Variants in ACOT4 observed in about 807,000 individuals in gnomAD.
ACOT4 encodes acyl-CoA thioesterase 4.
A neutral mutation model predicts 17.1 loss-of-function variants in ACOT4; 18 were observed. That is an observed-to-expected ratio of 1.05 (90% confidence interval 0.73 to 1.56). The LOEUF (loss-of-function observed/expected upper bound fraction) is 1.56, where lower values mean the gene tolerates loss of function less well. ACOT4 is among the 40% of genes most tolerant of loss of function. The probability of loss-of-function intolerance (pLI) is 0.00; values close to 1 mark genes in which losing one functional copy is unlikely to be tolerated. For missense variants in ACOT4, 574 were observed against 557.2 expected, an observed-to-expected ratio of 1.03 and a Z score of -0.30; for synonymous variants, 234 against 236.6, an observed-to-expected ratio of 0.99 and a Z score of 0.10.
chr14:73,595,128 A>G lies in ACOT4; in HGVS notation c.740A>G (p.Asn247Ser), dbSNP rs1354585834. 1.9e-6 allele frequency: 3 copies of G among 1,614,218 alleles called. No individual in the cohort carries two copies. The highest frequency in any genetic ancestry group is 1.7e-6 in the Non-Finnish European group (2 of 1,180,040). The change falls in exon 3 of 3, where the codon AAT becomes AGT. Residue 247 changes from asparagine to serine, a missense_variant. Physicochemically the swap from Asn to Ser is conservative, Grantham distance 46. Transcript: ENST00000326303. ...ICLSMASFLK[N>S]VSATVSINGS... The stretch of plus-strand genomic sequence containing the variant: ...CTCTCAATGGCCTCATTCTTGAAGA[A>G]TGTCTCAGCCACAGTTTCCATCAAT...
At position 73,592,309 on chromosome 14, in the gene ACOT4, G is replaced by C. The variant is rs199992405; in HGVS notation, c.350G>C (p.Gly117Ala). The C allele has an allele frequency of 2.7e-5, 44 of 1,611,086 alleles. No individual in the cohort carries two copies. Among genetic ancestry groups the C allele is most frequent in the Admixed American group, 8.4e-5 (5 of 59,718 alleles). ...CTGGACGGCCACGACCCCGAGCCTG[G>C]ACGGCTGCTGTGCCAGGCGCAGCAC... ...EVLDGHDPEP[G>A]RLLCQAQHER... Residue 117 changes from glycine (G) to alanine (A), a missense_variant, in exon 1 of 3, where the codon GGA becomes GCA. Coordinates refer to ENST00000326303, the MANE Select transcript of ACOT4 (RefSeq NM_152331.4).
chr14:73,594,112 T>G (rs1464123820), intron 2 of ACOT4, among the ~76,000 whole-genome samples: 2 of 152,236 alleles, frequency 1.3e-5, no homozygotes, highest in East Asian at 3.8e-4. Context: ...GAGATTTTAT[T>G]TAGTAATATT....
Position 73,592,182 on chromosome 14 carries a change from C to G in ACOT4, c.223C>G (p.Leu75Val), listed in dbSNP as rs1219527372. The G allele has an allele frequency of 6.2e-7, 1 of 1,607,694 alleles. No individual in the cohort carries two copies. The highest frequency in any genetic ancestry group is 8.5e-7 in the Non-Finnish European group (1 of 1,177,550). The change falls in exon 1 of 3, where the codon CTC becomes GTC. Residue 75 changes from leucine (L) to valine (V), a missense_variant. Coordinates refer to ENST00000326303, the MANE Select transcript of ACOT4 (RefSeq NM_152331.4). ...CGCGCTGGGCGGCAGCTTCGCGGGA[C>G]TCGAGCCCATGGGGCTGCTCTGGGC... is the stretch of plus-strand genomic sequence containing the variant. Reference protein sequence around the residue: ...APALGGSFAGLEPMGLLWALE... With the variant: ...APALGGSFAGVEPMGLLWALE...
At position 73,595,763 on chromosome 14, in the gene ACOT4, T is replaced by G. The variant is rs1393379155; in HGVS notation, c.*109T>G. On this transcript the variant is annotated 3_prime_UTR_variant, in exon 3 of 3. Coordinates refer to ENST00000326303, the MANE Select transcript of ACOT4 (RefSeq NM_152331.4). Reference sequence around the variant, plus strand: ...TAACATTAAAGCCATGTCTTTGTCATTAATGGTGTATTTTACGTAACTTTG... The same window carrying G: ...TAACATTAAAGCCATGTCTTTGTCAGTAATGGTGTATTTTACGTAACTTTG... The G allele has an allele frequency of 7.7e-7, 1 of 1,302,640 alleles. No homozygotes were observed. The highest frequency in any genetic ancestry group is 1.0e-6 in the Non-Finnish European group (1 of 982,124). The allele number at this position is 1,302,640 out of a possible 1,614,324, so 80.7% of individuals were successfully genotyped here.
rs538858496 is a variant in ACOT4 at position 73,592,031 on chromosome 14, C to T, written c.72C>T (p.Arg24=). 65 of 1,447,848 alleles carry T rather than the reference C, an allele frequency of 4.5e-5. No homozygotes were observed. Among genetic ancestry groups the T allele is most frequent in the Non-Finnish European group, 5.7e-5 (63 of 1,102,210 alleles). The allele number at this position is 1,447,848 out of a possible 1,614,324, so 89.7% of individuals were successfully genotyped here. ...ACGAGCCGGTGCGCATTGCCGTGCG[C>T]GGCCTGGCCCCGGAGCAGCGGGTTA... ...CWNEPVRIAV[R]GLAPEQRVTL... Residue 24 remains arginine (R), a synonymous_variant, in exon 1 of 3, where the codon CGC becomes CGT. Transcript: ENST00000326303.
At chr14:73,594,762 G>A (rs1246671259) in intron 2 of ACOT4, among the ~76,000 whole-genome samples, 6 of 151,976 alleles carry the variant, frequency 3.9e-5, no homozygotes, top group African/African-American at 1.2e-4. Context: ...GCGCAGTGGC[G>A]CAATCTCGGC....
chr14:73,591,898 C>T lies in ACOT4; in HGVS notation c.-62C>T, dbSNP rs1322256650. ...GGACGCCGTCCGGACATTCGGCGCG[C>T]TTGCCACGATCTTGGACGGGTCTCG... On this transcript the variant is annotated 5_prime_UTR_variant, in exon 1 of 3. Transcript: ENST00000326303. 8 of 1,320,160 alleles carry T rather than the reference C, an allele frequency of 6.1e-6. No individual in the cohort carries two copies. In the East Asian group the frequency reaches 1.9e-4, roughly 31 times the overall value. 81.8% of individuals were successfully genotyped at this position (1,320,160 alleles called of 1,614,324 possible). A position where few individuals can be genotyped will look rare whatever the true frequency, so the allele number is the denominator to read the frequency against.
rs74334993 is a variant in ACOT4 at position 73,592,991 on chromosome 14, C to T, written c.457+575C>T. Among the ~76,000 whole-genome samples, 749 of 152,326 alleles carry T rather than the reference C, an allele frequency of 4.9e-3. 7 individuals carry two copies. The highest frequency in any genetic ancestry group is 0.017 in the African/African-American group (722 of 41,564). ...TGCAGATGAAAAAACAGGTTCAGGT[C>T]GTCAGGTACATTATCCACTTTGCTA... On this transcript the variant is annotated intron_variant, in intron 1 of 2. Coordinates refer to ENST00000326303, the MANE Select transcript of ACOT4 (RefSeq NM_152331.4).
In ACOT4 at chr14:73,591,993, C is replaced by T; in HGVS notation, c.34C>T (p.Arg12Cys). ...AACGCTGATCCTGGAGCCCCCAGGC[C>T]GCTGCTGCTGGAACGAGCCGGTGCG... is the stretch of plus-strand genomic sequence containing the variant. ...SATLILEPPG[R>C]CCWNEPVRIA... Residue 12 changes from arginine (R) to cysteine (C), a missense_variant, in exon 1 of 3, where the codon CGC (arginine) becomes TGC (cysteine). Transcript: ENST00000326303. 1.4e-6 allele frequency: 2 copies of T among 1,418,880 alleles called. No individual in the cohort carries two copies. Among genetic ancestry groups the T allele is most frequent in the Non-Finnish European group, 1.8e-6 (2 of 1,088,630 alleles). The allele number at this position is 1,418,880 out of a possible 1,614,324, so 87.9% of individuals were successfully genotyped here. A position where few individuals can be genotyped will look rare whatever the true frequency, so the allele number is the denominator to read the frequency against.
rs1223758460 is a variant in ACOT4, at chr14:73,595,474, C to T, written c.1086C>T (p.Ile362=). 11 of 1,613,978 alleles carry T rather than the reference C, an allele frequency of 6.8e-6. No homozygotes were observed. The highest frequency in any genetic ancestry group is 4.4e-5 in the South Asian group (4 of 91,080). Residue 362 remains isoleucine, a synonymous_variant, in exon 3 of 3, where the codon ATC becomes ATT. Coordinates refer to ENST00000326303, the MANE Select transcript of ACOT4 (RefSeq NM_152331.4). ...GTTACCCTGGGACTGGGCATTACAT[C>T]GAGCCTCCTTACTTCCCCCTGTGCC... The part of the protein sequence containing the change: ...IICYPGTGHY[I]EPPYFPLCPA...
Position 73,595,346 on chromosome 14 carries a change from C to T in ACOT4, c.958C>T (p.Leu320Phe). ...AGAGAAGGCCCAGGGGCCCATCCTG[C>T]TCATTGTTGGTCAGGATGACCATAA... ...PIEKAQGPILLIVGQDDHNWR... is the reference protein window; with the variant it reads ...PIEKAQGPILFIVGQDDHNWR... The change falls in exon 3 of 3, where the codon CTC (leucine) becomes TTC (phenylalanine). Residue 320 changes from leucine to phenylalanine, a missense_variant. Leu to Phe is a conservative substitution (Grantham distance 22, BLOSUM62 0). Coordinates refer to ENST00000326303, the MANE Select transcript of ACOT4 (RefSeq NM_152331.4). 6.2e-7 allele frequency: 1 copy of T among 1,614,234 alleles called. No homozygotes were observed. Among genetic ancestry groups the T allele is most frequent in the Non-Finnish European group, 8.5e-7 (1 of 1,180,038 alleles).
chr14:73,593,877 C>A lies in ACOT4; in HGVS notation c.633C>A (p.Ala211=). 6.2e-7 allele frequency: 1 copy of A among 1,613,550 alleles called. No individual in the cohort carries two copies. The highest frequency in any genetic ancestry group is 8.5e-7 in the Non-Finnish European group (1 of 1,179,646). ...TATCCCTGGAGTACTTCGAAGAAGCCGTATGCTACATGCTTCAACATCCCC... is the reference window on the plus strand; with the variant it reads ...TATCCCTGGAGTACTTCGAAGAAGCAGTATGCTACATGCTTCAACATCCCC... The part of the protein sequence containing the change: ...DNISLEYFEE[A]VCYMLQHPQV... Residue 211 remains alanine, a synonymous_variant, in exon 2 of 3, where the codon GCC becomes GCA. Coordinates refer to ENST00000326303, the MANE Select transcript of ACOT4 (RefSeq NM_152331.4).
Position 73,592,101 on chromosome 14 carries a change from G to A in ACOT4, c.142G>A (p.Ala48Thr), listed in dbSNP as rs768474591. The A allele has an allele frequency of 8.6e-6, 13 of 1,503,340 alleles. No homozygotes were observed. The Admixed American group carries it at 1.8e-4, about 21-fold the overall frequency. 93.1% of individuals were successfully genotyped at this position (1,503,340 alleles called of 1,614,324 possible). Residue 48 changes from alanine (A) to threonine (T), a missense_variant, in exon 1 of 3, where the codon GCC becomes ACC. By Grantham distance (58) the Ala-to-Thr change is moderately conservative (BLOSUM62 0). Coordinates refer to ENST00000326303, the MANE Select transcript of ACOT4 (RefSeq NM_152331.4). ...CGACGAGAAGGGCGCGCTCTTCCGG[G>A]CCCACGCGCGCTACTGCGCCGACGC... ...LRDEKGALFR[A>T]HARYCADARG...
rs759682510 is a variant in ACOT4, at chr14:73,595,319, A to G, written c.931A>G (p.Ile311Val). 5.6e-6 allele frequency: 9 copies of G among 1,614,224 alleles called. No individual in the cohort carries two copies. The highest frequency in any genetic ancestry group is 5.0e-5 in the Admixed American group (3 of 60,024). ...GTACAAGAACCCCAGCATGATTCCA[A>G]TAGAGAAGGCCCAGGGGCCCATCCT... ...GGYKNPSMIP[I>V]EKAQGPILLI... The change falls in exon 3 of 3, where the codon ATA (isoleucine) becomes GTA (valine). Residue 311 changes from isoleucine (I) to valine (V), a missense_variant. Transcript: ENST00000326303.
chr14:73,595,354 T>A lies in ACOT4; in HGVS notation c.966T>A (p.Val322=), dbSNP rs1890230079. The A allele has an allele frequency of 6.2e-7, 1 of 1,614,258 alleles. No individual in the cohort carries two copies. The highest frequency in any genetic ancestry group is 1.1e-5 in the South Asian group (1 of 91,086). ...CCCAGGGGCCCATCCTGCTCATTGT[T>A]GGTCAGGATGACCATAACTGGAGAA... ...EKAQGPILLI[V]GQDDHNWRSE... The change falls in exon 3 of 3, where the codon GTT becomes GTA. Residue 322 remains valine (V), a synonymous_variant. Coordinates refer to ENST00000326303, the MANE Select transcript of ACOT4 (RefSeq NM_152331.4).
At chr14:73,594,673 G>GTTATTTAT (rs5809619) in intron 2 of ACOT4, among the ~76,000 whole-genome samples, 6,270 of 147,188 alleles carry the variant, frequency 0.043, 198 homozygotes, top group African/African-American at 0.072. Flanking sequence ...CATTGGATAA[G>GTTATTTAT]TTATTTATTT....
chr14:73,594,044 A>G (rs1305200462), intron 2 of ACOT4, 140 bp downstream of exon 2: 2 of 618,140 alleles, frequency 3.2e-6, no homozygotes, highest in South Asian at 4.5e-5. Context: ...TTAAGGTGCT[A>G]TTTCCACTTT....
chr14:73,594,421 C>T (rs978334508), intron 2 of ACOT4, among the ~76,000 whole-genome samples: 3 of 117,638 alleles, frequency 2.6e-5, no homozygotes, highest in African/African-American at 1.0e-4. Context: ...TGGCCCTGAA[C>T]TTGATGGGAT....
At chr14:73,593,506 T>C (rs1890190785) in intron 1 of ACOT4, among the ~76,000 whole-genome samples, 196 bp from the exon 2 acceptor site, 1 of 139,918 alleles carries the variant, frequency 7.1e-6, no homozygotes, top group Non-Finnish European at 1.6e-5. Context: ...ACTGACTAAT[T>C]AAAAAAAAAA....
Sources: allele counts gnomAD v4.1 joint callset (sites outside exome capture counted in the v4.1 genomes callset), GRCh38; gene constraint gnomAD v4.1.1; transcripts MANE v1.5; gene names NCBI Gene and HGNC (gene_info 2026-07-23, HGNC 2026-07-21).